The following JAZF1 variants were observed in gnomAD, a reference collection of about 807,000 sequenced individuals.
JAZF1 encodes juxtaposed with another zinc finger protein 1.
JAZF1 carries 8 observed loss-of-function variants against 26.4 expected under a neutral mutation model. The ratio of observed to expected loss-of-function variants is 0.30; its 90% confidence interval spans 0.18 to 0.55. The LOEUF (loss-of-function observed/expected upper bound fraction) is 0.55, where lower values mean the gene tolerates loss of function less well. Ranked by LOEUF, JAZF1 falls within the 20% of genes least tolerant of loss-of-function variation. The probability of loss-of-function intolerance (pLI) is 0.94; values close to 1 mark genes in which losing one functional copy is unlikely to be tolerated. For synonymous variants in JAZF1, 126 were observed against 122.3 expected (o/e 1.03, Z -0.20); for missense variants, 199 against 322.0 (o/e 0.62, Z 2.92).
chr7:28,013,407 C>G (rs1782831655), intron 1 of JAZF1, among the ~76,000 whole-genome samples: 1 of 151,822 alleles, frequency 6.6e-6, no homozygotes, highest in Non-Finnish European at 1.5e-5. Flanking sequence ...GATGGCCTCT[C>G]AAACTTGAGT....
At chr7:27,982,247 A>G (rs1040919379) in intron 2 of JAZF1, among the ~76,000 whole-genome samples, 5 of 152,192 alleles carry the variant, frequency 3.3e-5, no homozygotes, top group Non-Finnish European at 5.9e-5. Context: ...GGACACTCCC[A>G]TCCTAATACT....
chr7:28,070,635 T>TA (rs1188832189), intron 1 of JAZF1, among the ~76,000 whole-genome samples: 1 of 152,182 alleles, frequency 6.6e-6, no homozygotes, highest in African/African-American at 2.4e-5. Context: ...TAGCTCTTCT[T>TA]AGACTTTAGA....
chr7:28,164,536 A>T (rs989100993), intron 1 of JAZF1, among the ~76,000 whole-genome samples: 2 of 152,348 alleles, frequency 1.3e-5, no homozygotes, highest in Admixed American at 1.3e-4. Flanking sequence ...TTCTGACAGT[A>T]AAGTGTTTCC....
At chr7:28,006,230 G>A (rs1012910094) in intron 1 of JAZF1, among the ~76,000 whole-genome samples, 4 of 152,124 alleles carry the variant, frequency 2.6e-5, no homozygotes, top group Middle Eastern at 3.2e-3. Flanking sequence ...TCAGCCAGGC[G>A]TGGTGGTGTG....
intron 3 of JAZF1, among the ~76,000 whole-genome samples, chr7:27,856,038 G>T (rs1240097766): frequency 6.6e-6 from 1 of 152,192 alleles, no homozygotes; most frequent in Non-Finnish European, 1.5e-5. Context: ...CTTCATCCCT[G>T]GGATGCAAGT....
At chr7:27,899,880 G>A (rs911109535) in intron 2 of JAZF1, among the ~76,000 whole-genome samples, 5 of 152,304 alleles carry the variant, frequency 3.3e-5, no homozygotes, top group African/African-American at 1.2e-4. Flanking sequence ...AGTCAAGCCT[G>A]GGGATGCTGT....
At position 27,979,118 on chromosome 7, in the gene JAZF1, A is replaced by AC. The variant is rs1178043646; in HGVS notation, c.188+12790dup. Reference sequence around the variant, plus strand: ...TAGTACAGGGAGTCCTACAAAGAGAACGAGAGTAGATCTGTAACTAAGTTA... The same window carrying AC: ...TAGTACAGGGAGTCCTACAAAGAGAACCGAGAGTAGATCTGTAACTAAGTTA... On this transcript the variant is annotated intron_variant, in intron 2 of 4. Coordinates refer to ENST00000283928, the MANE Select transcript of JAZF1 (RefSeq NM_175061.4). 8.5e-5 allele frequency among the ~76,000 whole-genome samples: 13 copies of AC among 152,268 alleles called. No homozygotes were observed. The East Asian group carries it at 2.5e-3, about 29-fold the overall frequency.
intron 2 of JAZF1, among the ~76,000 whole-genome samples, chr7:27,920,486 A>G (rs948254331): frequency 6.6e-6 from 1 of 152,218 alleles, no homozygotes; most frequent in African/African-American, 2.4e-5. Flanking sequence ...TGTAACAGCT[A>G]AGTCTATATG....
intron 1 of JAZF1, among the ~76,000 whole-genome samples, chr7:28,088,077 A>C (rs1784237242): frequency 6.6e-6 from 1 of 152,124 alleles, no homozygotes; most frequent in African/African-American, 2.4e-5. Context: ...TAGATGCCCT[A>C]CATTAACAGA....
Position 28,054,213 on chromosome 7 carries a change from A to G in JAZF1, c.116-62232T>C, listed in dbSNP as rs183456776. 3.9e-5 allele frequency among the ~76,000 whole-genome samples: 6 copies of G among 152,330 alleles called. No homozygotes were observed. The East Asian group carries it at 1.2e-3, about 29-fold the overall frequency. On this transcript the variant is annotated intron_variant, in intron 1 of 4. Coordinates refer to ENST00000283928, the MANE Select transcript of JAZF1 (RefSeq NM_175061.4). Reference sequence around the variant, plus strand: ...CAGTCATCATTCTTGCTCAATCAATACCATTTATCTATTAATAGGATGGCT... The same window carrying G: ...CAGTCATCATTCTTGCTCAATCAATGCCATTTATCTATTAATAGGATGGCT...
intron 3 of JAZF1, among the ~76,000 whole-genome samples, chr7:27,863,640 T>G (rs977170983): frequency 6.6e-6 from 1 of 152,146 alleles, no homozygotes; most frequent in African/African-American, 2.4e-5. Context: ...CTGGTATCCT[T>G]AAAAGTGACT....
At chr7:28,140,247 T>A (rs1782943287) in intron 1 of JAZF1, among the ~76,000 whole-genome samples, 1 of 152,146 alleles carries the variant, frequency 6.6e-6, no homozygotes, top group East Asian at 1.9e-4. Context: ...CACACCCAGC[T>A]AATTTTTGTA....
chr7:28,062,282 T>C (rs538274224), intron 1 of JAZF1, among the ~76,000 whole-genome samples: 4 of 152,218 alleles, frequency 2.6e-5, no homozygotes, highest in African/African-American at 9.6e-5. Context: ...CAATATTAGT[T>C]AGTTAGAGTG....
chr7:27,913,444 T>C (rs1030975341), intron 2 of JAZF1: 5 of 421,850 alleles, frequency 1.2e-5, no homozygotes, highest in African/African-American at 6.5e-5. Flanking sequence ...GTCTGTCTCA[T>C]CTCCGCTGTC....
chr7:28,051,914 C>G (rs958494773), intron 1 of JAZF1, among the ~76,000 whole-genome samples: 1 of 152,150 alleles, frequency 6.6e-6, no homozygotes, highest in African/African-American at 2.4e-5. Flanking sequence ...ACTAAACATT[C>G]TAGTGTGGCC....
At chr7:27,943,539 T>C (rs958848425) in intron 2 of JAZF1, among the ~76,000 whole-genome samples, 1 of 152,210 alleles carries the variant, frequency 6.6e-6, no homozygotes, top group Non-Finnish European at 1.5e-5. Context: ...ACTTCATTAC[T>C]TCCTCCACAG....
At chr7:28,129,832 C>T (rs73684001) in intron 1 of JAZF1, among the ~76,000 whole-genome samples, 6,044 of 152,164 alleles carry the variant, frequency 0.04, 314 homozygotes, top group African/African-American at 0.12. Flanking sequence ...TCCCAGATAA[C>T]GTGCTGGCTG....
At chr7:28,139,519 AC>A (rs1782932399) in intron 1 of JAZF1, among the ~76,000 whole-genome samples, 1 of 152,340 alleles carries the variant, frequency 6.6e-6, no homozygotes, top group African/African-American at 2.4e-5. Flanking sequence ...TCCTATGAAG[AC>A]TGGAGTTATG....
intron 2 of JAZF1, among the ~76,000 whole-genome samples, chr7:27,945,969 C>T (rs1030562551): frequency 1.3e-5 from 2 of 152,162 alleles, no homozygotes; most frequent in Non-Finnish European, 2.9e-5. Context: ...ACTTTGAGTA[C>T]ATACAACCAT....
Sources: gnomAD v4.1 joint callset for allele counts (sites outside exome capture counted in the v4.1 genomes callset) on GRCh38, gnomAD v4.1.1 for gene constraint, MANE v1.5 for transcripts, NCBI Gene and HGNC (gene_info 2026-07-23, HGNC 2026-07-21) for gene names.